The following KLF12 variants were observed in gnomAD, a reference collection of about 807,000 sequenced individuals.
KLF12 encodes Krueppel-like factor 12.
Under a neutral mutation model 37.8 loss-of-function variants are expected in KLF12, and 9 were observed. The ratio of observed to expected loss-of-function variants is 0.24; its 90% CI spans 0.14 to 0.42. The LOEUF (loss-of-function observed/expected upper bound fraction) is 0.42, where lower values mean the gene tolerates loss of function less well. Among genes scored for constraint, KLF12 ranks in the 10% least tolerant of loss-of-function variants. The pLI is 1.00. For synonymous variants in KLF12, 208 were observed against 202.1 expected, an observed-to-expected ratio of 1.03 and a Z score of -0.25; for missense variants, 411 against 516.0, an observed-to-expected ratio of 0.80 and a Z score of 1.97.
intron 1 of KLF12, among the ~76,000 whole-genome samples, chr13:74,126,601 C>CTATAA (rs1877957808): frequency 6.6e-6 from 1 of 152,128 alleles, no homozygotes; most frequent in South Asian, 2.1e-4. Context: ...GCTTTCATTT[C>CTATAA]CCCTTTTTCC....
chr13:74,212,770 A>C, the KLF12 span, among the ~76,000 whole-genome samples: 1 of 152,180 alleles, frequency 6.6e-6, no homozygotes, highest in Non-Finnish European at 1.5e-5. Context: ...ATATCTCTTC[A>C]ATTTCACCAT....
chr13:73,801,192 G>C (rs1354740789), intron 5 of KLF12: 1 of 151,950 alleles, frequency 6.6e-6, no homozygotes, highest in South Asian at 2.1e-4. Flanking sequence ...CATTTGATGC[G>C]GGTAAGTAAA....
At chr13:73,772,219 G>A (rs67165452) in intron 5 of KLF12, among the ~76,000 whole-genome samples, 1 of 152,070 alleles carries the variant, frequency 6.6e-6, no homozygotes, top group African/African-American at 2.4e-5. Flanking sequence ...AATATTAGTT[G>A]AATCTCTACT....
At chr13:74,220,635 C>T in the KLF12 span, among the ~76,000 whole-genome samples, 1 of 152,188 alleles carries the variant, frequency 6.6e-6, no homozygotes, top group African/African-American at 2.4e-5. Context: ...ACTCATTCCT[C>T]CTAAATGAAA....
chr13:74,146,645 A>G, the KLF12 span, among the ~76,000 whole-genome samples: 1 of 152,176 alleles, frequency 6.6e-6, no homozygotes, highest in East Asian at 1.9e-4. Flanking sequence ...CTGCTTTACA[A>G]TTTCATAGAG....
intron 1 of KLF12, among the ~76,000 whole-genome samples, chr13:74,094,372 C>A (rs1435667382): frequency 6.6e-6 from 1 of 150,926 alleles, no homozygotes; most frequent in Non-Finnish European, 1.5e-5. Flanking sequence ...AAGAAATGAT[C>A]CATGGTATAA....
In KLF12 at chr13:73,968,936, C is replaced by CCTAT. The variant is rs148105722; in HGVS notation, c.34-24870_34-24867dup. On this transcript the variant is annotated intron_variant, in intron 2 of 7. Coordinates refer to ENST00000377669, the MANE Select transcript of KLF12 (RefSeq NM_007249.5). ...TCCCCTGAGTTCTGGATCTCTATTC[C>CCTAT]CTATCATAACCTCCGTTTGGATTTC... Among the ~76,000 whole-genome samples, 561 of 151,986 alleles carry CCTAT rather than the reference C, an allele frequency of 3.7e-3. 8 individuals carry two copies. The highest frequency in any genetic ancestry group is 0.013 in the African/African-American group (521 of 41,424).
intron 7 of KLF12, among the ~76,000 whole-genome samples, chr13:73,707,597 C>A (rs1156926974): frequency 6.6e-6 from 1 of 152,002 alleles, no homozygotes; most frequent in Admixed American, 6.6e-5. Flanking sequence ...TAACAAGGAA[C>A]CTAGATGGGG....
intron 1 of KLF12, among the ~76,000 whole-genome samples, chr13:74,010,614 T>C (rs748778568): frequency 1.3e-5 from 2 of 152,198 alleles, no homozygotes; most frequent in African/African-American, 2.4e-5. Context: ...AAGGCGTTTG[T>C]AGTTATTATT....
At chr13:74,294,523 C>A in the KLF12 span, among the ~76,000 whole-genome samples, 1 of 152,040 alleles carries the variant, frequency 6.6e-6, no homozygotes, top group African/African-American at 2.4e-5. Flanking sequence ...CACGCGCCAC[C>A]ATGCCTGGCT....
the KLF12 span, among the ~76,000 whole-genome samples, chr13:74,297,881 C>T: frequency 6.6e-6 from 1 of 152,026 alleles, no homozygotes; most frequent in African/African-American, 2.4e-5. Context: ...TATGTAATGT[C>T]AAATTATCAT....
chr13:73,852,587 C>T lies in KLF12; in HGVS notation c.124-6214G>A, dbSNP rs367886232. Among the ~76,000 whole-genome samples, 10 of 151,948 alleles carry T rather than the reference C, an allele frequency of 6.6e-5. No homozygotes were observed. The East Asian group carries it at 7.8e-4, about 12-fold the overall frequency. ...CTTGAGGTTAGGAGTTCAAGACCAG[C>T]CCAACATAGTGAAACCCAGTCTCTA... is the stretch of plus-strand genomic sequence containing the variant. On this transcript the variant is annotated intron_variant, in intron 3 of 7. Coordinates refer to ENST00000377669, the MANE Select transcript of KLF12 (RefSeq NM_007249.5).
intron 4 of KLF12, among the ~76,000 whole-genome samples, chr13:73,816,550 T>C (rs2138463436): frequency 6.6e-6 from 1 of 152,306 alleles, no homozygotes; most frequent in South Asian, 2.1e-4. Context: ...ACCCAACACC[T>C]GAAGTTGAAC....
At chr13:73,892,884 C>A (rs912413243) in intron 3 of KLF12, among the ~76,000 whole-genome samples, 11 of 152,168 alleles carry the variant, frequency 7.2e-5, no homozygotes, top group Middle Eastern at 3.4e-3. Context: ...ACTCTTTAAC[C>A]ATAACTTACT....
intron 4 of KLF12, among the ~76,000 whole-genome samples, chr13:73,816,301 G>T (rs976888918): frequency 6.6e-6 from 1 of 152,050 alleles, no homozygotes; most frequent in African/African-American, 2.4e-5. Context: ...AAAGTTATCT[G>T]GACACCAGAA....
chr13:74,219,173 C>A, the KLF12 span, among the ~76,000 whole-genome samples: 1 of 152,168 alleles, frequency 6.6e-6, no homozygotes, highest in African/African-American at 2.4e-5. Context: ...CCAGGCTGGT[C>A]CTGAACTCCC....
chr13:74,157,820 T>C, the KLF12 span, among the ~76,000 whole-genome samples: 1 of 152,174 alleles, frequency 6.6e-6, no homozygotes, highest in Non-Finnish European at 1.5e-5. Context: ...TATTGATTAA[T>C]TGGGACCAGA....
intron 7 of KLF12, among the ~76,000 whole-genome samples, chr13:73,709,368 T>C (rs1875190493): frequency 6.6e-6 from 1 of 152,168 alleles, no homozygotes; most frequent in African/African-American, 2.4e-5. Flanking sequence ...GTAAGTCAAC[T>C]GGTATAATCC....
the KLF12 span, among the ~76,000 whole-genome samples, chr13:74,160,495 A>G: frequency 6.6e-6 from 1 of 152,252 alleles, no homozygotes; most frequent in Admixed American, 6.5e-5. Context: ...GGAACGTCTC[A>G]GCCTAATACA....
Sources: allele counts gnomAD v4.1 joint callset (sites outside exome capture counted in the v4.1 genomes callset), GRCh38; gene constraint gnomAD v4.1.1; transcripts MANE v1.5; gene names NCBI Gene and HGNC (gene_info 2026-07-23, HGNC 2026-07-21).